Variants in TENM4 observed in about 807,000 individuals in gnomAD.
TENM4 encodes teneurin transmembrane protein 4, also known as teneurin-4.
A neutral mutation model predicts 243.3 loss-of-function variants in TENM4; 82 were observed. The observed-to-expected ratio is 0.34, with a 90% CI of 0.28 to 0.40. TENM4 has a LOEUF of 0.40. Among genes scored for constraint, TENM4 ranks in the 10% least tolerant of loss-of-function variants. The pLI, the probability that TENM4 is intolerant of heterozygous loss-of-function variation, is 1.00. For missense variants in TENM4, 3,138 were observed against 3,673.3 expected (o/e 0.85, Z 3.77); for synonymous variants, 1,412 against 1,456.3 (o/e 0.97, Z 0.69).
intron 9 of TENM4, among the ~76,000 whole-genome samples, chr11:78,868,764 T>C (rs1859050536): frequency 6.6e-6 from 1 of 152,132 alleles, no homozygotes; most frequent in Non-Finnish European, 1.5e-5. Flanking sequence ...ACAAACCCAC[T>C]TGCATCTGTG....
chr11:79,260,500 G>C (rs913961677), intron 2 of TENM4, among the ~76,000 whole-genome samples: 1 of 152,184 alleles, frequency 6.6e-6, no homozygotes, highest in Admixed American at 6.5e-5. Flanking sequence ...AGAGTAAGCT[G>C]AGGCTAAAGA....
chr11:78,889,187 T>C (rs1219558090), intron 9 of TENM4, among the ~76,000 whole-genome samples: 1 of 152,164 alleles, frequency 6.6e-6, no homozygotes, highest in African/African-American at 2.4e-5. Context: ...CGTTCTCTGC[T>C]CTCTGTGCTG....
At chr11:79,422,464 C>T (rs1014800656) in intron 1 of TENM4, among the ~76,000 whole-genome samples, 4 of 151,950 alleles carry the variant, frequency 2.6e-5, no homozygotes, top group African/African-American at 9.7e-5. Context: ...TACCTGTCAC[C>T]TATGTTTAAT....
intron 6 of TENM4, among the ~76,000 whole-genome samples, chr11:78,969,453 T>C (rs2136567567): frequency 6.6e-6 from 1 of 152,346 alleles, no homozygotes; most frequent in East Asian, 1.9e-4. Context: ...CATTCAACCA[T>C]TCTGGATTCT....
rs371382782 is a variant in TENM4 at position 78,962,718 on chromosome 11, G to T, written c.494-59195C>A. On this transcript the variant is annotated intron_variant, in intron 6 of 33. Transcript: ENST00000278550. ...GCCCCTCTCTGGCCTCAGTGGCCTC[G>T]CTGATAAAAGCAGCAGTGGGGACTG... 2.9e-4 allele frequency among the ~76,000 whole-genome samples: 44 copies of T among 152,336 alleles called. No homozygotes were observed. In the East Asian group the frequency reaches 6.4e-3, roughly 22 times the overall value.
intron 6 of TENM4, among the ~76,000 whole-genome samples, chr11:79,056,721 G>A (rs1859953673): frequency 6.6e-6 from 1 of 152,190 alleles, no homozygotes; most frequent in Non-Finnish European, 1.5e-5. Flanking sequence ...AAACCAAGAT[G>A]ATCTGCAGCA....
rs189071737 is a variant in TENM4, at chr11:78,989,172, C to A, written c.493+75566G>T. Among the ~76,000 whole-genome samples the A allele has an allele frequency of 2.6e-5, 4 of 152,288 alleles. No individual in the cohort carries two copies. In the East Asian group the frequency reaches 5.8e-4, roughly 22 times the overall value. ...GTCCTATTGAAGGCCAAAAACAGTT[C>A]AGCTGTGTTTGTTATCAACTCTCCT... On this transcript the variant is annotated intron_variant, in intron 6 of 33. Transcript: ENST00000278550.
At chr11:79,369,891 G>GGTTCAAACCC (rs989292350) in intron 1 of TENM4, among the ~76,000 whole-genome samples, 1 of 152,160 alleles carries the variant, frequency 6.6e-6, no homozygotes, top group African/African-American at 2.4e-5. Context: ...ATGGCTCTTA[G>GGTTCAAACCC]AGCTAGGTTC....
chr11:78,868,999 A>G (rs1386327418), intron 9 of TENM4, among the ~76,000 whole-genome samples: 1 of 152,184 alleles, frequency 6.6e-6, no homozygotes, highest in African/African-American at 2.4e-5. Context: ...TGAAAAACTA[A>G]AAAGATAAAA....
intron 1 of TENM4, among the ~76,000 whole-genome samples, chr11:79,371,348 T>C (rs1857782678): frequency 6.6e-6 from 1 of 152,182 alleles, no homozygotes; most frequent in Non-Finnish European, 1.5e-5. Context: ...CTACTGCAGC[T>C]GGAGAAGAGT....
intron 32 of TENM4, among the ~76,000 whole-genome samples, chr11:78,662,067 T>TAA: frequency 6.6e-6 from 1 of 152,294 alleles, no homozygotes; most frequent in Admixed American, 6.5e-5. Context: ...TAATTAGAGC[T>TAA]TCAGGGTCAA....
intron 4 of TENM4, among the ~76,000 whole-genome samples, chr11:79,145,918 T>C (rs1862387416): frequency 6.6e-6 from 1 of 152,138 alleles, no homozygotes; most frequent in African/African-American, 2.4e-5. Flanking sequence ...GACATCTTCT[T>C]TTATGAAGTA....
intron 2 of TENM4, among the ~76,000 whole-genome samples, chr11:79,235,094 A>T (rs1294724982): frequency 1.3e-5 from 2 of 151,970 alleles, no homozygotes; most frequent in East Asian, 1.9e-4. Flanking sequence ...CGGGTGGATC[A>T]TGAGGTCAGG....
intron 9 of TENM4, among the ~76,000 whole-genome samples, chr11:78,879,393 T>A: frequency 1.1e-5 from 1 of 91,002 alleles, no homozygotes; most frequent in African/African-American, 3.7e-5. Context: ...GCAGCCGCCC[T>A]GTCTGGGAGG....
chr11:78,997,871 G>A (rs1858215702), intron 6 of TENM4, among the ~76,000 whole-genome samples: 1 of 152,138 alleles, frequency 6.6e-6, no homozygotes, highest in African/African-American at 2.4e-5. Context: ...TAATGAAGGT[G>A]GGACCGTGAT....
chr11:79,011,219 C>T (rs534837841), intron 6 of TENM4, among the ~76,000 whole-genome samples: 3 of 152,330 alleles, frequency 2.0e-5, no homozygotes, highest in African/African-American at 7.2e-5. Context: ...CAAGAGGGTG[C>T]TCGCTCAGCT....
At position 78,669,935 on chromosome 11, in the gene TENM4, G is replaced by A. The variant is rs750915110; in HGVS notation, c.6410C>T (p.Ala2137Val). Residue 2137 changes from alanine (A) to valine (V), a missense_variant, in exon 32 of 34, where the codon GCT becomes GTT. Coordinates refer to ENST00000278550, the MANE Select transcript of TENM4 (RefSeq NM_001098816.3). The surrounding 1 kb of genome is among the most constrained non-coding windows in gnomAD (Gnocchi z 6.4). ...YYDINQIITT[A>V]VMTHTKHFDA... The stretch of plus-strand genomic sequence containing the variant: ...AAAATGCTTGGTGTGGGTCATGACA[G>A]CTGTGGTGATGATCTGGTTAATGTC... 3.1e-6 allele frequency: 5 copies of A among 1,613,728 alleles called. No homozygotes were observed. In the East Asian group the frequency reaches 1.1e-4, roughly 36 times the overall value.
intron 27 of TENM4, among the ~76,000 whole-genome samples, chr11:78,704,157 G>GTGTATATATATATATATATATATA (rs1201390547): frequency 1.1e-4 from 8 of 70,516 alleles, no homozygotes; most frequent in African/African-American, 3.6e-4. Context: ...ATGTATGTGT[G>GTGTATATATATATATATATATATA]TCTATATATA....
intron 6 of TENM4, among the ~76,000 whole-genome samples, chr11:78,942,429 C>CACAAG (rs1173083408): frequency 4.7e-4 from 69 of 146,116 alleles, no homozygotes; most frequent in Admixed American, 3.2e-3. Flanking sequence ...TGGGTGATAG[C>CACAAG]ACAAGACCCT....
Sources: allele counts gnomAD v4.1 joint callset (sites outside exome capture counted in the v4.1 genomes callset), GRCh38; gene constraint gnomAD v4.1.1; non-coding constraint Gnocchi (gnomAD v3.1); transcripts MANE v1.5; gene names NCBI Gene and HGNC (gene_info 2026-07-23, HGNC 2026-07-21).